The following TRDN variants were observed in gnomAD, a reference collection of about 807,000 sequenced individuals.
The protein encoded by TRDN is triadin in skeletal muscle.
A neutral mutation model predicts 149.7 loss-of-function variants in TRDN; 161 were observed. That is an observed-to-expected ratio of 1.08 (90% confidence interval 0.95 to 1.23). TRDN has a LOEUF of 1.23. TRDN is among the 50% of genes most tolerant of loss of function. The pLI, the probability that TRDN is intolerant of heterozygous loss-of-function variation, is 0.00. For synonymous variants in TRDN, 294 were observed against 250.5 expected (o/e 1.17, Z -1.64); for missense variants, 896 against 823.5 (o/e 1.09, Z -1.08).
At chr6:123,435,490 C>T (rs1259552830) in intron 12 of TRDN, among the ~76,000 whole-genome samples, 1 of 136,780 alleles carries the variant, frequency 7.3e-6, no homozygotes, top group Admixed American at 7.1e-5. Flanking sequence ...GAAACTCAAT[C>T]TCTCTGTCTC....
At chr6:123,465,268 G>A (rs1776718025) in intron 9 of TRDN, among the ~76,000 whole-genome samples, 2 of 151,990 alleles carry the variant, frequency 1.3e-5, no homozygotes, top group African/African-American at 4.8e-5. Flanking sequence ...AAATGTACAT[G>A]TACTCAAATT....
rs181917537 is a variant in TRDN at position 123,216,627 on chromosome 6, A to G, written c.*1974T>C. 51 of 152,020 alleles carry G rather than the reference A, an allele frequency of 3.4e-4. No individual in the cohort carries two copies. The East Asian group carries it at 9.7e-3, about 29-fold the overall frequency. The allele number at this position is 152,020 out of a possible 1,614,324, so 9.4% of individuals were successfully genotyped here. On this transcript the variant is annotated 3_prime_UTR_variant, in exon 41 of 41. Coordinates refer to ENST00000334268, the MANE Select transcript of TRDN (RefSeq NM_006073.4). ...CTTCAGAAATTTACTTTAATATCAT[A>G]TTTATATTAAAATATTTTATTTGTC...
At chr6:123,590,716 C>T (rs533782741) in intron 1 of TRDN, among the ~76,000 whole-genome samples, 5 of 152,166 alleles carry the variant, frequency 3.3e-5, no homozygotes, top group African/African-American at 7.2e-5. Context: ...GAGCCAAGAC[C>T]GTGCCCATTC....
At chr6:123,430,355 C>G (rs141156941) in intron 12 of TRDN, among the ~76,000 whole-genome samples, 3,221 of 151,530 alleles carry the variant, frequency 0.021, 121 homozygotes, top group African/African-American at 0.073. Flanking sequence ...GGCCGAGGCG[C>G]GCACATCACA....
intron 35 of TRDN, among the ~76,000 whole-genome samples, chr6:123,258,425 G>A (rs1417483717): frequency 3.9e-5 from 6 of 152,074 alleles, no homozygotes; most frequent in Admixed American, 3.3e-4. Flanking sequence ...CTGTTTATGT[G>A]ATGGATTACA....
chr6:123,630,948 G>A (rs1359131363), intron 1 of TRDN, among the ~76,000 whole-genome samples: 1 of 151,894 alleles, frequency 6.6e-6, no homozygotes, highest in Non-Finnish European at 1.5e-5. Flanking sequence ...ACCAAGAGTG[G>A]TTGAGTAGTG....
At position 123,508,238 on chromosome 6, in the gene TRDN, A is replaced by G. The variant is rs571762313; in HGVS notation, c.610+4065T>C. Among the ~76,000 whole-genome samples the G allele has an allele frequency of 3.3e-5, 5 of 152,306 alleles. 1 individual carries two copies. The South Asian group carries it at 8.3e-4, about 25-fold the overall frequency. On this transcript the variant is annotated intron_variant, in intron 7 of 40. Transcript: ENST00000334268. The stretch of plus-strand genomic sequence containing the variant: ...TGAAAAATCTAAGTATCAAAAAGCC[A>G]TTTATCAAAGATGGTGCAACTAAAT...
At chr6:123,277,712 G>T (rs1446242199) in intron 26 of TRDN, among the ~76,000 whole-genome samples, 1 of 152,104 alleles carries the variant, frequency 6.6e-6, no homozygotes, top group Non-Finnish European at 1.5e-5. Flanking sequence ...AGATTTCATG[G>T]AAAGCATGTC....
chr6:123,562,229 AT>A (rs1313119832), intron 2 of TRDN, among the ~76,000 whole-genome samples: 1 of 151,854 alleles, frequency 6.6e-6, no homozygotes, highest in Non-Finnish European at 1.5e-5. Context: ...AAATGGCCGC[AT>A]CCCTATCTCC....
intron 1 of TRDN, among the ~76,000 whole-genome samples, chr6:123,582,084 T>C (rs1222474120): frequency 6.6e-6 from 1 of 152,144 alleles, no homozygotes; most frequent in Admixed American, 6.6e-5. Flanking sequence ...ATTTTACACA[T>C]TTTAGGGGGA....
intron 10 of TRDN, among the ~76,000 whole-genome samples, chr6:123,461,916 T>C (rs9490771): frequency 0.038 from 5,799 of 152,294 alleles, 332 homozygotes; most frequent in African/African-American, 0.12. Flanking sequence ...CCCTTTGAAC[T>C]TGTAGGCGTT....
chr6:123,589,007 A>T (rs1484020794), intron 1 of TRDN, among the ~76,000 whole-genome samples: 1 of 152,162 alleles, frequency 6.6e-6, no homozygotes, highest in Non-Finnish European at 1.5e-5. Context: ...TTAGGGATAA[A>T]AATTAACAGG....
chr6:123,336,843 T>A (rs917553831), intron 22 of TRDN, among the ~76,000 whole-genome samples: 3 of 151,148 alleles, frequency 2.0e-5, no homozygotes, highest in Admixed American at 6.6e-5. Context: ...ATAAATTATA[T>A]GTTATAGTAC....
Position 123,548,786 on chromosome 6 carries a change from A to G in TRDN, c.233-174T>C, listed in dbSNP as rs1026354317. The stretch of plus-strand genomic sequence containing the variant: ...GCAGAAATAGAAACTTCATCTTGCT[A>G]TAATATGCATGCATGCCAAGAAAGA... On this transcript the variant is annotated intron_variant, in intron 2 of 40. Coordinates refer to ENST00000334268, the MANE Select transcript of TRDN (RefSeq NM_006073.4). Among the ~76,000 whole-genome samples, 18 of 152,132 alleles carry G rather than the reference A, an allele frequency of 1.2e-4. No homozygotes were observed. The South Asian group carries it at 3.1e-3, about 26-fold the overall frequency.
chr6:123,547,241 A>G, intron 4 of TRDN, 99 bp downstream of exon 4: 1 of 752,414 alleles, frequency 1.3e-6, no homozygotes, highest in Non-Finnish European at 2.0e-6. Context: ...ATTAAACAAA[A>G]CCTTTATATT....
intron 20 of TRDN, among the ~76,000 whole-genome samples, chr6:123,364,870 C>T (rs1781031204): frequency 6.6e-6 from 1 of 152,148 alleles, no homozygotes; most frequent in Non-Finnish European, 1.5e-5. Context: ...TATATTAAGA[C>T]TCAGTTTTTT....
chr6:123,597,482 T>A (rs1174490567), intron 1 of TRDN, among the ~76,000 whole-genome samples: 5 of 152,130 alleles, frequency 3.3e-5, no homozygotes, highest in African/African-American at 1.2e-4. Context: ...TTGTAGAGGA[T>A]TATCTCCAAT....
At chr6:123,588,722 C>T (rs1452784218) in intron 1 of TRDN, among the ~76,000 whole-genome samples, 1 of 152,048 alleles carries the variant, frequency 6.6e-6, no homozygotes, top group Non-Finnish European at 1.5e-5. Flanking sequence ...CTATAAATAC[C>T]ATTACATTAA....
In TRDN at chr6:123,216,816, C is replaced by A. The variant is rs1774985876; in HGVS notation, c.*1785G>T. 6.6e-6 allele frequency: 1 copy of A among 151,858 alleles called. No homozygotes were observed. The highest frequency in any genetic ancestry group is 1.5e-5 in the Non-Finnish European group (1 of 67,916). 9.4% of individuals were successfully genotyped at this position (151,858 alleles called of 1,614,324 possible). A position where few individuals can be genotyped will look rare whatever the true frequency, so the allele number is the denominator to read the frequency against. On this transcript the variant is annotated 3_prime_UTR_variant, in exon 41 of 41. Transcript: ENST00000334268. The stretch of plus-strand genomic sequence containing the variant: ...ATATTTTTCTTGTACAATACAGCAC[C>A]TAACACAGCGCCCTAAAAGAGTAGG...
Sources: allele counts gnomAD v4.1 joint callset (sites outside exome capture counted in the v4.1 genomes callset), GRCh38; gene constraint gnomAD v4.1.1; transcripts MANE v1.5; gene names NCBI Gene and HGNC (gene_info 2026-07-23, HGNC 2026-07-21).